SPAG17: variants seen among roughly 807,000 people sequenced by gnomAD.
The protein encoded by SPAG17 is sperm-associated antigen 17.
Under a neutral mutation model 273.6 loss-of-function variants are expected in SPAG17, and 169 were observed. That is an observed-to-expected ratio of 0.62 (90% CI 0.55 to 0.70). The LOEUF (loss-of-function observed/expected upper bound fraction) is 0.70, where lower values mean the gene tolerates loss of function less well. Among genes scored for constraint, SPAG17 ranks in the 30% least tolerant of loss-of-function variants. The probability of loss-of-function intolerance (pLI) is 0.00; values close to 1 mark genes in which losing one functional copy is unlikely to be tolerated. For synonymous variants in SPAG17, 825 were observed against 873.2 expected, an observed-to-expected ratio of 0.94 and a Z score of 0.97; for missense variants, 2,557 against 2,627.8, an observed-to-expected ratio of 0.97 and a Z score of 0.59.
intron 48 of SPAG17, among the ~76,000 whole-genome samples, chr1:117,956,322 A>G (rs1200421864): frequency 6.6e-6 from 1 of 152,068 alleles, no homozygotes. Flanking sequence ...TTGTTATATT[A>G]TTTGTGATTT....
intron 3 of SPAG17, among the ~76,000 whole-genome samples, chr1:118,119,029 A>G (rs933859739): frequency 2.2e-4 from 33 of 152,092 alleles, no homozygotes; most frequent in African/African-American, 7.7e-4. Flanking sequence ...TTCTCTCTAG[A>G]ACCTCCCTAC....
At chr1:118,027,603 T>C (rs1404373405) in intron 26 of SPAG17, among the ~76,000 whole-genome samples, 1 of 152,202 alleles carries the variant, frequency 6.6e-6, no homozygotes, top group Non-Finnish European at 1.5e-5. Context: ...GTGCCTGCTT[T>C]GTTGCATCTT....
chr1:118,139,669 A>T (rs561506291), intron 3 of SPAG17, among the ~76,000 whole-genome samples: 54 of 152,344 alleles, frequency 3.5e-4, no homozygotes, highest in Admixed American at 5.9e-4. Flanking sequence ...ATGGAATCAG[A>T]AAACATTATG....
At chr1:118,146,045 G>T (rs1030160488) in intron 3 of SPAG17, among the ~76,000 whole-genome samples, 1 of 152,202 alleles carries the variant, frequency 6.6e-6, no homozygotes, top group Non-Finnish European at 1.5e-5. Flanking sequence ...AAAGAAACAT[G>T]AAGTGGAATT....
intron 7 of SPAG17, among the ~76,000 whole-genome samples, chr1:118,093,543 G>A (rs993728115): frequency 3.9e-5 from 6 of 152,084 alleles, no homozygotes; most frequent in Non-Finnish European, 5.9e-5. Flanking sequence ...TTGGAGGGCC[G>A]TATGGCTGCC....
intron 13 of SPAG17, among the ~76,000 whole-genome samples, chr1:118,083,209 G>A (rs1039278222): frequency 4.6e-5 from 7 of 152,222 alleles, no homozygotes; most frequent in Middle Eastern, 3.4e-3. Flanking sequence ...ACCCGTCTCG[G>A]CCTCCCAGAG....
At position 118,124,319 on chromosome 1, in the gene SPAG17, G is replaced by GT. The variant is rs1168997702; in HGVS notation, c.316-8879dup. ...CTTCCCTTCTGAACAACCCTACAAC[G>GT]TTTTTTGTATATTTCCTAAGGGATT... On this transcript the variant is annotated intron_variant, in intron 3 of 48. Transcript: ENST00000336338. 3.9e-5 allele frequency among the ~76,000 whole-genome samples: 6 copies of GT among 152,144 alleles called. No homozygotes were observed. The East Asian group carries it at 1.2e-3, about 29-fold the overall frequency.
At chr1:117,959,322 G>C in intron 48 of SPAG17, 1 of 1,612,822 alleles carries the variant, frequency 6.2e-7, no homozygotes, top group Non-Finnish European at 8.5e-7. Context: ...GGCTGGTCTT[G>C]ATTATCTCAA....
chr1:117,957,825 A>T (rs1652442316), intron 48 of SPAG17, among the ~76,000 whole-genome samples: 1 of 152,194 alleles, frequency 6.6e-6, no homozygotes. Context: ...GTGTAAGCTA[A>T]CAGGTTTTGC....
chr1:118,025,156 CT>C, intron 27 of SPAG17, 81 bp downstream of exon 27: 1 of 1,230,890 alleles, frequency 8.1e-7, no homozygotes, highest in Non-Finnish European at 1.1e-6. Context: ...TTCCTTTTCC[CT>C]GTTATAGAAC....
chr1:118,017,218 T>C (rs1660059963), intron 28 of SPAG17, among the ~76,000 whole-genome samples: 1 of 152,192 alleles, frequency 6.6e-6, no homozygotes, highest in African/African-American at 2.4e-5. Context: ...ATAATTCCTC[T>C]AGAAATAGTA....
chr1:118,152,360 G>T (rs180732554), intron 1 of SPAG17, among the ~76,000 whole-genome samples: 1 of 152,158 alleles, frequency 6.6e-6, no homozygotes, highest in Non-Finnish European at 1.5e-5. Flanking sequence ...CAATGTCTAA[G>T]ATTTGAAAAG....
At chr1:118,018,818 T>A (rs1036307652) in intron 28 of SPAG17, among the ~76,000 whole-genome samples, 1 of 152,124 alleles carries the variant, frequency 6.6e-6, no homozygotes, top group East Asian at 1.9e-4. Flanking sequence ...TAGAATTCTA[T>A]ACCTAGTGAA....
chr1:118,025,128 C>T, intron 27 of SPAG17, 110 bp downstream of exon 27: 1 of 854,546 alleles, frequency 1.2e-6, no homozygotes, highest in Non-Finnish European at 1.8e-6. Flanking sequence ...AGGTGTCATT[C>T]CTTTTTCTAG....
At chr1:118,028,519 C>G in intron 25 of SPAG17, 125 bp from the exon 26 acceptor site, 2 of 1,169,814 alleles carry the variant, frequency 1.7e-6, no homozygotes, top group Non-Finnish European at 2.3e-6. Context: ...GTGGCCCCTG[C>G]AAGGACGCAG....
At chr1:118,150,387 T>C (rs1659306315) in intron 3 of SPAG17, 156 bp downstream of exon 3, 1 of 406,052 alleles carries the variant, frequency 2.5e-6, no homozygotes, top group Non-Finnish European at 4.4e-6. Flanking sequence ...AGGAGGCAGA[T>C]TTTTTTTGTG....
intron 3 of SPAG17, among the ~76,000 whole-genome samples, chr1:118,129,926 G>T (rs1194343607): frequency 1.3e-5 from 2 of 152,058 alleles, no homozygotes; most frequent in African/African-American, 2.4e-5. Context: ...GCTAGACAAA[G>T]AATGTATTCA....
chr1:118,091,986 A>G lies in SPAG17; in HGVS notation c.1190T>C (p.Val397Ala), dbSNP rs1470194214. ...MPTSEAPQPA[V>A]PAPGKKKAQY... ...TGCTTTCTTCTTTCCAGGAGCTGGT[A>G]CAGCAGGTTGTGGAGCCTAGAAAAA... The change falls in exon 9 of 49, where the codon GTA (valine) becomes GCA (alanine). Residue 397 changes from valine (V) to alanine (A), a missense_variant. Val to Ala is a moderately conservative substitution (Grantham distance 64). Coordinates refer to ENST00000336338, the MANE Select transcript of SPAG17 (RefSeq NM_206996.4). The G allele has an allele frequency of 1.2e-6, 2 of 1,613,624 alleles. No homozygotes were observed. The highest frequency in any genetic ancestry group is 2.2e-5 in the South Asian group (2 of 91,078).
intron 24 of SPAG17, among the ~76,000 whole-genome samples, chr1:118,034,558 C>CCTCT (rs1194182508): frequency 6.6e-6 from 1 of 152,156 alleles, no homozygotes; most frequent in African/African-American, 2.4e-5. Flanking sequence ...GCAAGTAACA[C>CCTCT]CTCTATGCTG....
Sources: gnomAD v4.1 joint callset for allele counts (sites outside exome capture counted in the v4.1 genomes callset) on GRCh38, gnomAD v4.1.1 for gene constraint, MANE v1.5 for transcripts, NCBI Gene and HGNC (gene_info 2026-07-23, HGNC 2026-07-21) for gene names.